The following PCDH15 variants were observed in gnomAD, a reference collection of about 807,000 sequenced individuals.
PCDH15 encodes the protein protocadherin-15.
Under a neutral mutation model 178.5 loss-of-function variants are expected in PCDH15, and 129 were observed. That is an observed-to-expected ratio of 0.72 (90% CI 0.63 to 0.84). The LOEUF (loss-of-function observed/expected upper bound fraction) is 0.84. PCDH15 is among the 40% of genes least tolerant of loss of function. The pLI is 0.00. For synonymous variants in PCDH15, 800 were observed against 732.0 expected (o/e 1.09, Z -1.50); for missense variants, 2,230 against 2,099.9 (o/e 1.06, Z -1.21).
chr10:54,055,772 C>T (rs1041151293), intron 18 of PCDH15, among the ~76,000 whole-genome samples: 3 of 152,100 alleles, frequency 2.0e-5, no homozygotes, highest in African/African-American at 7.2e-5. Flanking sequence ...TTCTTTTATG[C>T]TGAATTATGT....
At chr10:54,700,746 C>G (rs1031664777) in intron 1 of PCDH15, among the ~76,000 whole-genome samples, 4 of 151,948 alleles carry the variant, frequency 2.6e-5, no homozygotes, top group African/African-American at 9.7e-5. Flanking sequence ...CTTGGCATCC[C>G]TATAGGAGAA....
intron 2 of PCDH15, among the ~76,000 whole-genome samples, chr10:55,094,388 T>C (rs1322576162): frequency 6.6e-6 from 1 of 151,660 alleles, no homozygotes; most frequent in African/African-American, 2.4e-5. Context: ...CAGGGGCCTG[T>C]TGTGGGGTAG....
At chr10:54,893,911 C>T (rs778138085) in intron 3 of PCDH15, among the ~76,000 whole-genome samples, 30 of 152,146 alleles carry the variant, frequency 2.0e-4, no homozygotes, top group Non-Finnish European at 3.5e-4. Context: ...GTGGATAGGT[C>T]AAACATTTCT....
intron 13 of PCDH15, among the ~76,000 whole-genome samples, chr10:54,181,947 T>G (rs4529813): frequency 0.094 from 14,333 of 151,952 alleles, 1,359 homozygotes; most frequent in African/African-American, 0.24. Context: ...ACATTTTGCT[T>G]GTTTGTTTGT....
intron 1 of PCDH15, among the ~76,000 whole-genome samples, chr10:55,309,583 A>G (rs1257139043): frequency 5.9e-5 from 9 of 152,100 alleles, no homozygotes; most frequent in Non-Finnish European, 1.0e-4. Flanking sequence ...GAACCTAATG[A>G]TATTTTTCAG....
At chr10:55,233,280 G>C (rs1386967508) in intron 1 of PCDH15, among the ~76,000 whole-genome samples, 1 of 151,934 alleles carries the variant, frequency 6.6e-6, no homozygotes, top group East Asian at 1.9e-4. Flanking sequence ...TTTATCAATA[G>C]CTTTGCTTTT....
At chr10:55,538,361 G>C (rs114342027) in intron 2 of PCDH15, among the ~76,000 whole-genome samples, 2,922 of 151,954 alleles carry the variant, frequency 0.019, 103 homozygotes, top group African/African-American at 0.067. Flanking sequence ...TTCATGTTAC[G>C]AATAGGAAAG....
intron 2 of PCDH15, among the ~76,000 whole-genome samples, chr10:55,072,202 G>A (rs1841764767): frequency 6.6e-6 from 1 of 151,958 alleles, no homozygotes; most frequent in Admixed American, 6.6e-5. Flanking sequence ...AAAAGCAAGA[G>A]CAAACACATT....
rs143812507 is a variant in PCDH15 at position 53,927,044 on chromosome 10, C to A, written c.3373+11771G>T. Among the ~76,000 whole-genome samples the A allele has an allele frequency of 2.0e-5, 3 of 152,104 alleles. No individual in the cohort carries two copies. In the East Asian group the frequency reaches 5.8e-4, roughly 29 times the overall value. ...GGGCCATGTGACAAAAAAACAGAAT[C>A]ATATTAGATGTGCCTCAAAAATAAA... is the stretch of plus-strand genomic sequence containing the variant. On this transcript the variant is annotated intron_variant, in intron 25 of 37. Transcript: ENST00000644397.
intron 1 of PCDH15, among the ~76,000 whole-genome samples, chr10:55,222,730 C>CATATATATATATATATATATATAT (rs142618720): frequency 4.5e-4 from 54 of 121,206 alleles, no homozygotes; most frequent in South Asian, 7.9e-4. Flanking sequence ...CACACACACA[C>CATATATATATATATATATATATAT]ATATATATAT....
intron 30 of PCDH15, among the ~76,000 whole-genome samples, chr10:53,830,357 T>G (rs2076946992): frequency 6.6e-6 from 1 of 152,108 alleles, no homozygotes; most frequent in South Asian, 2.1e-4. Flanking sequence ...GTATTTCCTC[T>G]GTAGGTAGTT....
intron 3 of PCDH15, among the ~76,000 whole-genome samples, chr10:54,382,735 G>T (rs1949392568): frequency 6.6e-6 from 1 of 152,082 alleles, no homozygotes; most frequent in African/African-American, 2.4e-5. Context: ...AGATGAAATG[G>T]TAGCCCTGAC....
intron 26 of PCDH15, among the ~76,000 whole-genome samples, chr10:53,896,326 A>T (rs936901747): frequency 2.6e-5 from 4 of 152,214 alleles, no homozygotes; most frequent in African/African-American, 9.6e-5. Flanking sequence ...AAAAATTACA[A>T]ATATTACAAG....
chr10:54,220,788 G>T (rs928906384), intron 9 of PCDH15, among the ~76,000 whole-genome samples: 4 of 151,604 alleles, frequency 2.6e-5, no homozygotes, highest in African/African-American at 9.7e-5. Flanking sequence ...TCGCGCCACT[G>T]CACTCCAGCC....
chr10:55,556,788 C>T (rs1842099781), intron 2 of PCDH15, among the ~76,000 whole-genome samples: 1 of 152,120 alleles, frequency 6.6e-6, no homozygotes, highest in African/African-American at 2.4e-5. Context: ...ATGAAGTGAG[C>T]CTAGATCGCA....
chr10:54,711,434 T>A (rs2095427154), intron 1 of PCDH15, among the ~76,000 whole-genome samples: 1 of 151,798 alleles, frequency 6.6e-6, no homozygotes, highest in Non-Finnish European at 1.5e-5. Context: ...TTATAGGGAG[T>A]ATATTGTCAC....
At chr10:55,151,973 C>G (rs1463624463) in intron 2 of PCDH15, among the ~76,000 whole-genome samples, 1 of 151,866 alleles carries the variant, frequency 6.6e-6, no homozygotes, top group Non-Finnish European at 1.5e-5. Flanking sequence ...CTGAGTTGAA[C>G]TGTGAGTGCT....
At chr10:54,684,994 T>C (rs1375987927) in intron 1 of PCDH15, among the ~76,000 whole-genome samples, 1 of 151,878 alleles carries the variant, frequency 6.6e-6, no homozygotes, top group Non-Finnish European at 1.5e-5. Flanking sequence ...AGTTTCTTTC[T>C]TTATATTTTT....
chr10:54,022,474 ATG>A (rs1554920013), intron 19 of PCDH15, among the ~76,000 whole-genome samples: 2 of 151,904 alleles, frequency 1.3e-5, no homozygotes, highest in African/African-American at 4.8e-5. Context: ...ATATATATAT[ATG>A]TATTTTTTGA....
Sources: gnomAD v4.1 joint callset for allele counts (sites outside exome capture counted in the v4.1 genomes callset) on GRCh38, gnomAD v4.1.1 for gene constraint, MANE v1.5 for transcripts, NCBI Gene and HGNC (gene_info 2026-07-23, HGNC 2026-07-21) for gene names.